Variants in ILDR1 observed in about 807,000 individuals in gnomAD.
ILDR1 encodes immunoglobulin like domain containing receptor 1.
A neutral mutation model predicts 62.4 loss-of-function variants in ILDR1; 56 were observed. The observed-to-expected ratio is 0.90, with a 90% CI of 0.72 to 1.12. ILDR1 has a LOEUF of 1.12. ILDR1 is among the 50% of genes most tolerant of loss of function. The pLI is 0.00. For missense variants in ILDR1, 736 were observed against 710.6 expected (o/e 1.04, Z -0.41); for synonymous variants, 284 against 277.8 (o/e 1.02, Z -0.22).
At chr3:122,021,994 G>GC (rs1372666617) in intron 1 of ILDR1, 26 bp downstream of exon 1, 1 of 1,602,382 alleles carries the variant, frequency 6.2e-7, no homozygotes, top group African/African-American at 1.3e-5. Context: ...TGGGTCCAGG[G>GC]TGGGTACCAT....
At chr3:122,040,129 C>A in the ILDR1 span, among the ~76,000 whole-genome samples, 1 of 151,764 alleles carries the variant, frequency 6.6e-6, no homozygotes, top group Non-Finnish European at 1.5e-5. Context: ...TATAATATTA[C>A]TAAGAAAACA....
At chr3:122,029,511 A>AATATATATATATATATATATATATAT in the ILDR1 span, among the ~76,000 whole-genome samples, 1 of 139,478 alleles carries the variant, frequency 7.2e-6, no homozygotes, top group Non-Finnish European at 1.5e-5. Context: ...GTCTAAAAAA[A>AATATATATATATATATATATATATAT]ATATATATAT....
chr3:122,011,759 T>G (rs1046821741), intron 1 of ILDR1, among the ~76,000 whole-genome samples: 1 of 151,176 alleles, frequency 6.6e-6, no homozygotes, highest in African/African-American at 2.4e-5. Flanking sequence ...ATATCTCAGT[T>G]GTTGCTGTGG....
At chr3:122,029,533 T>TATATATATATATATATATATATA in the ILDR1 span, among the ~76,000 whole-genome samples, 1 of 148,726 alleles carries the variant, frequency 6.7e-6, no homozygotes, top group Admixed American at 6.7e-5. Flanking sequence ...TATATATATA[T>TATATATATATATATATATATATA]TTAGGGGAAT....
In ILDR1 at chr3:121,993,487, A is replaced by G; in HGVS notation, c.1262T>C (p.Leu421Pro). 1 of 1,614,224 alleles carries G rather than the reference A, an allele frequency of 6.2e-7. No homozygotes were observed. The highest frequency in any genetic ancestry group is 8.5e-7 in the Non-Finnish European group (1 of 1,180,036). The change falls in exon 7 of 8, where the codon CTA becomes CCA. Residue 421 changes from leucine to proline, a missense_variant. Leu to Pro is a moderately conservative substitution (Grantham distance 98). Coordinates refer to ENST00000344209, the MANE Select transcript of ILDR1 (RefSeq NM_001199799.2). The stretch of plus-strand genomic sequence containing the variant: ...CTCACTGGATGAGGGGACATCGCTT[A>G]GGCTGTCCCTGTCTGACCAGTGTAT... ...SPIHWSDRDSLSDVPSSSEAR... is the reference protein window; with the variant it reads ...SPIHWSDRDSPSDVPSSSEAR...
chr3:122,039,141 A>C, the ILDR1 span, among the ~76,000 whole-genome samples: 1 of 152,030 alleles, frequency 6.6e-6, no homozygotes, highest in African/African-American at 2.4e-5. Context: ...ACGTACTGAA[A>C]TTTAAGAGGA....
At chr3:122,001,143 C>T (rs2071518105) in intron 5 of ILDR1, among the ~76,000 whole-genome samples, 165 bp downstream of exon 5, 2 of 152,168 alleles carry the variant, frequency 1.3e-5, no homozygotes, top group African/African-American at 4.8e-5. Flanking sequence ...CCTAGCCTCC[C>T]CAGGCATCAT....
rs747580467 is a variant in ILDR1, at chr3:121,993,176, T to C, written c.1573A>G (p.Lys525Glu). The change falls in exon 7 of 8, where the codon AAA becomes GAA. Residue 525 changes from lysine to glutamate, a missense_variant. Physicochemically the swap from Lys to Glu is moderately conservative, Grantham distance 56. Transcript: ENST00000344209. ...LDITPGKNSR[K>E]KGSVERRSEK... ...GAGCGCCTCTCCACACTCCCTTTTT[T>C]CCTGCTATTCTTGCCTGGAGTGATA... 1.2e-6 allele frequency: 2 copies of C among 1,609,650 alleles called. No individual in the cohort carries two copies. Among genetic ancestry groups the C allele is most frequent in the Non-Finnish European group, 8.5e-7 (1 of 1,178,054 alleles).
At chr3:122,051,560 T>C in the ILDR1 span, among the ~76,000 whole-genome samples, 1 of 152,178 alleles carries the variant, frequency 6.6e-6, no homozygotes, top group Non-Finnish European at 1.5e-5. Flanking sequence ...AGCATCAATA[T>C]GATGGTTATT....
chr3:122,059,181 G>A, the ILDR1 span, among the ~76,000 whole-genome samples: 1 of 152,136 alleles, frequency 6.6e-6, no homozygotes, highest in African/African-American at 2.4e-5. Context: ...GGCCTGGAAT[G>A]CACATGAAGA....
At chr3:122,037,960 CT>C in the ILDR1 span, among the ~76,000 whole-genome samples, 1 of 152,116 alleles carries the variant, frequency 6.6e-6, no homozygotes, top group Non-Finnish European at 1.5e-5. Flanking sequence ...CTGTCTCTCT[CT>C]CTCTCTCTCT....
upstream of ILDR1, among the ~76,000 whole-genome samples, chr3:122,023,542 C>T (rs2071894798): frequency 6.6e-6 from 1 of 152,088 alleles, no homozygotes; most frequent in Non-Finnish European, 1.5e-5. Flanking sequence ...GGCCCCTTAC[C>T]CTGCGTTGCT....
the ILDR1 span, among the ~76,000 whole-genome samples, chr3:122,039,126 C>T: frequency 2.0e-5 from 3 of 150,714 alleles, no homozygotes; most frequent in South Asian, 2.1e-4. Flanking sequence ...AGTGATATAA[C>T]ATACACGTAC....
intron 1 of ILDR1, among the ~76,000 whole-genome samples, chr3:122,021,274 T>C (rs72965412): frequency 0.033 from 4,955 of 152,294 alleles, 259 homozygotes; most frequent in African/African-American, 0.11. Flanking sequence ...TGAAAGAGCC[T>C]GCCCATTCTG....
chr3:122,016,368 G>A (rs951796151), intron 1 of ILDR1, among the ~76,000 whole-genome samples: 2 of 152,226 alleles, frequency 1.3e-5, no homozygotes, highest in African/African-American at 4.8e-5. Flanking sequence ...GGGGGCCAGG[G>A]CCATGATGGC....
At chr3:122,040,232 C>T in the ILDR1 span, among the ~76,000 whole-genome samples, 1 of 151,818 alleles carries the variant, frequency 6.6e-6, no homozygotes, top group African/African-American at 2.4e-5. Context: ...ACATTCTCAC[C>T]TCACCAACTT....
chr3:122,019,198 T>C (rs2071822154), intron 1 of ILDR1, among the ~76,000 whole-genome samples: 2 of 152,248 alleles, frequency 1.3e-5, no homozygotes, highest in Non-Finnish European at 2.9e-5. Context: ...CAATGGTACT[T>C]ACTTTAGCCT....
the ILDR1 span, among the ~76,000 whole-genome samples, chr3:122,044,757 G>T: frequency 6.6e-6 from 1 of 151,784 alleles, no homozygotes; most frequent in Non-Finnish European, 1.5e-5. Flanking sequence ...TGGGATTGGT[G>T]GTGATATCCC....
At chr3:121,995,833 A>G (rs924207503) in intron 5 of ILDR1, among the ~76,000 whole-genome samples, 2 of 152,208 alleles carry the variant, frequency 1.3e-5, no homozygotes, top group Non-Finnish European at 1.5e-5. Flanking sequence ...TGGGAATCCA[A>G]TGAGGAAGCT....
Sources: allele counts gnomAD v4.1 joint callset (sites outside exome capture counted in the v4.1 genomes callset), GRCh38; gene constraint gnomAD v4.1.1; transcripts MANE v1.5; gene names NCBI Gene and HGNC (gene_info 2026-07-23, HGNC 2026-07-21).